Variants in STIL observed in about 807,000 individuals in gnomAD.
The protein encoded by STIL is STIL centriolar assembly protein.
STIL carries 55 observed loss-of-function variants against 110.1 expected under a neutral mutation model. The ratio of observed to expected loss-of-function variants is 0.50; its 90% CI spans 0.40 to 0.63. The LOEUF is 0.63. Ranked by LOEUF, STIL falls within the 20% of genes least tolerant of loss-of-function variation. The pLI is 0.00. For synonymous variants in STIL, 481 were observed against 530.0 expected (o/e 0.91, Z 1.27); for missense variants, 1,358 against 1,530.0 (o/e 0.89, Z 1.87).
At chr1:47,271,981 T>C in intron 13 of STIL, 95 bp downstream of exon 13, 1 of 1,384,334 alleles carries the variant, frequency 7.2e-7, no homozygotes, top group South Asian at 1.2e-5. Flanking sequence ...TTGGTCCTAC[T>C]GCACCATGCA....
chr1:47,255,526 G>A (rs1278838785), intron 16 of STIL, among the ~76,000 whole-genome samples: 1 of 137,122 alleles, frequency 7.3e-6, no homozygotes, highest in African/African-American at 2.6e-5. Context: ...TGCAGCCTGG[G>A]CAACAGAGCG....
intron 8 of STIL, among the ~76,000 whole-genome samples, chr1:47,290,760 C>G (rs1355147933): frequency 6.6e-6 from 1 of 151,366 alleles, no homozygotes; most frequent in Non-Finnish European, 1.5e-5. Flanking sequence ...AAAGACATGA[C>G]TAGGCAGTTC....
chr1:47,264,655 T>C (rs1644583143), intron 14 of STIL, among the ~76,000 whole-genome samples: 1 of 152,140 alleles, frequency 6.6e-6, no homozygotes, highest in Non-Finnish European at 1.5e-5. Context: ...TAAGGGGGAC[T>C]GGAAGCCCTG....
chr1:47,267,640 TCCAGC>T (rs1644691002), intron 14 of STIL, among the ~76,000 whole-genome samples: 1 of 137,046 alleles, frequency 7.3e-6, no homozygotes, highest in Non-Finnish European at 1.5e-5. Flanking sequence ...GCCACCGTAC[TCCAGC>T]CAGGGCGACA....
At chr1:47,310,157 T>C in intron 2 of STIL, 119 bp downstream of exon 2, 4 of 907,762 alleles carry the variant, frequency 4.4e-6, no homozygotes, top group Non-Finnish European at 6.8e-6. Flanking sequence ...GTGGTAGAGC[T>C]AGGATATGAA....
chr1:47,314,495 G>A (rs575909075), upstream of STIL, among the ~76,000 whole-genome samples: 2 of 152,340 alleles, frequency 1.3e-5, no homozygotes, highest in East Asian at 1.9e-4. Flanking sequence ...AGCCGGAAGT[G>A]CTCTATAAGA....
intron 8 of STIL, among the ~76,000 whole-genome samples, chr1:47,292,029 G>GTTT (rs57716078): frequency 5.1e-5 from 7 of 138,064 alleles, no homozygotes; most frequent in East Asian, 2.1e-4. Context: ...CTTGTTTTTT[G>GTTT]TTTTTTTTTT....
chr1:47,309,547 T>C (rs1486623712), intron 2 of STIL, among the ~76,000 whole-genome samples: 1 of 151,978 alleles, frequency 6.6e-6, no homozygotes, highest in East Asian at 1.9e-4. Context: ...CAAGAACATC[T>C]GGCACAAAGA....
At chr1:47,286,936 T>G (rs1257996901) in intron 10 of STIL, among the ~76,000 whole-genome samples, 1 of 152,062 alleles carries the variant, frequency 6.6e-6, no homozygotes, top group Non-Finnish European at 1.5e-5. Flanking sequence ...TTGGCCAGGC[T>G]GGTCTCAAAC....
At chr1:47,264,747 A>G (rs1644585995) in intron 14 of STIL, among the ~76,000 whole-genome samples, 1 of 152,176 alleles carries the variant, frequency 6.6e-6, no homozygotes, top group South Asian at 2.1e-4. Flanking sequence ...ATCCCAGAGA[A>G]GCACCAAAAC....
rs756411487 is a variant in STIL at position 47,280,270 on chromosome 1, C to T, written c.2188G>A (p.Asp730Asn). The T allele has an allele frequency of 6.2e-7, 1 of 1,614,214 alleles. No homozygotes were observed. The highest frequency in any genetic ancestry group is 1.1e-5 in the South Asian group (1 of 91,078). The change falls in exon 12 of 17, where the codon GAC becomes AAC. Residue 730 changes from aspartate to asparagine, a missense_variant. Physicochemically the swap from Asp to Asn is conservative, Grantham distance 23. Transcript: ENST00000371877. The part of the protein sequence containing the change: ...PDAYRFLTEQ[D>N]RQLRLLQAQI... ...GCCTGAAGTAGTCTTAGCTGTCTGT[C>T]TTGTTCTGTGAGGAACCGATATGCA...
chr1:47,297,857 C>A (rs1199614766), intron 6 of STIL, among the ~76,000 whole-genome samples: 1 of 152,044 alleles, frequency 6.6e-6, no homozygotes, highest in Non-Finnish European at 1.5e-5. Context: ...GCATGCCCGC[C>A]CAGCAGTCAC....
intron 10 of STIL, among the ~76,000 whole-genome samples, chr1:47,286,698 A>T (rs1557747910): frequency 6.6e-6 from 1 of 151,528 alleles, no homozygotes; most frequent in Non-Finnish European, 1.5e-5. Context: ...TGTCTCAAAG[A>T]AAAAAAAGAA....
intron 14 of STIL, among the ~76,000 whole-genome samples, chr1:47,267,121 T>TA (rs1372201786): frequency 6.6e-6 from 1 of 152,192 alleles, no homozygotes; most frequent in African/African-American, 2.4e-5. Context: ...TTCAGGTCAC[T>TA]ACTCAAATGT....
intron 12 of STIL, among the ~76,000 whole-genome samples, chr1:47,274,146 C>T (rs931235224): frequency 1.3e-5 from 2 of 152,108 alleles, no homozygotes; most frequent in Admixed American, 6.6e-5. Flanking sequence ...TAATACTGAT[C>T]ATTTCTCCCA....
chr1:47,314,808 C>T (rs1267977031), upstream of STIL, among the ~76,000 whole-genome samples: 1 of 151,860 alleles, frequency 6.6e-6, no homozygotes, highest in Non-Finnish European at 1.5e-5. Flanking sequence ...TCACCGCAAC[C>T]TCGCCTCCCG....
intron 1 of STIL, among the ~76,000 whole-genome samples, chr1:47,311,707 T>TA (rs1304713108): frequency 6.6e-6 from 1 of 152,162 alleles, no homozygotes; most frequent in Non-Finnish European, 1.5e-5. Flanking sequence ...TTTCAAGCCT[T>TA]AGAGTTCCTT....
chr1:47,258,393 T>A (rs1054532355), intron 16 of STIL, among the ~76,000 whole-genome samples: 2 of 152,192 alleles, frequency 1.3e-5, no homozygotes, highest in African/African-American at 4.8e-5. Flanking sequence ...TCACTTAGGA[T>A]TGCTTGAAAT....
At chr1:47,265,783 CAAA>C (rs1179019596) in intron 14 of STIL, among the ~76,000 whole-genome samples, 10 of 65,608 alleles carry the variant, frequency 1.5e-4, no homozygotes, top group Non-Finnish European at 2.1e-4. Flanking sequence ...AAGACTGTCT[CAAA>C]AAAAAAAAAA....
Sources: allele counts gnomAD v4.1 joint callset (sites outside exome capture counted in the v4.1 genomes callset), GRCh38; gene constraint gnomAD v4.1.1; transcripts MANE v1.5; gene names NCBI Gene and HGNC (gene_info 2026-07-23, HGNC 2026-07-21).